Variants in OR11G2 observed in about 807,000 individuals in gnomAD.
OR11G2 encodes the protein olfactory receptor family 11 subfamily G member 2.
OR11G2 carries 2 observed loss-of-function variants against 0.9 expected under a neutral mutation model. The ratio of observed to expected loss-of-function variants is 2.35; its 90% CI spans 0.96 to 7.38. OR11G2 has a LOEUF of 7.38. OR11G2 is among the 30% of genes most tolerant of loss of function. OR11G2 has a pLI of 0.05. For synonymous variants in OR11G2, 153 were observed against 142.0 expected (o/e 1.08, Z -0.55); for missense variants, 395 against 371.3 (o/e 1.06, Z -0.52).
chr14:20,196,272 A>C (rs1451392645), intron 1 of OR11G2, among the ~76,000 whole-genome samples: 2 of 152,192 alleles, frequency 1.3e-5, no homozygotes, highest in Admixed American at 1.3e-4. Flanking sequence ...CTTCAGCTGG[A>C]AATAATCTTA....
chr14:20,192,833 T>C (rs1959340), intron 1 of OR11G2, among the ~76,000 whole-genome samples: 51 of 152,266 alleles, frequency 3.3e-4, no homozygotes, highest in Middle Eastern at 3.4e-3. Context: ...AGAGCAAAAA[T>C]CCTGAGTCCT....
At chr14:20,195,921 G>A (rs1879742310) in intron 1 of OR11G2, among the ~76,000 whole-genome samples, 1 of 152,144 alleles carries the variant, frequency 6.6e-6, no homozygotes, top group African/African-American at 2.4e-5. Context: ...GTGGTTAGAA[G>A]TTAGGCTTAC....
chr14:20,193,411 T>C (rs539194093), intron 1 of OR11G2, among the ~76,000 whole-genome samples: 1 of 152,302 alleles, frequency 6.6e-6, no homozygotes, highest in Admixed American at 6.5e-5. Flanking sequence ...TTCCTCTCTG[T>C]TTCTAACAAA....
At chr14:20,194,426 G>A (rs1449146518) in intron 1 of OR11G2, among the ~76,000 whole-genome samples, 2 of 152,144 alleles carry the variant, frequency 1.3e-5, no homozygotes, top group Non-Finnish European at 2.9e-5. Flanking sequence ...AATTATTTGT[G>A]AATGAGATGT....
rs962661304 is a variant in OR11G2 at position 20,200,885 on chromosome 14, A to G, written c.*2512A>G. The G allele has an allele frequency of 8.5e-5, 13 of 152,256 alleles. No homozygotes were observed. The highest frequency in any genetic ancestry group is 2.9e-4 in the African/African-American group (12 of 41,470). The allele number at this position is 152,256 out of a possible 1,614,324, so 9.4% of individuals were successfully genotyped here. A position where few individuals can be genotyped will look rare whatever the true frequency, so the allele number is the denominator to read the frequency against. ...AGACACACTGTTAAATGAAAAAAGC[A>G]AAGTGAATAGCAGAGTGTATTGTAG... On this transcript the variant is annotated 3_prime_UTR_variant, in exon 2 of 2. Transcript: ENST00000641879.
intron 1 of OR11G2, among the ~76,000 whole-genome samples, chr14:20,196,844 T>A: frequency 6.6e-6 from 1 of 152,232 alleles, no homozygotes; most frequent in East Asian, 1.9e-4. Flanking sequence ...CTAATTGATT[T>A]GACTGTGTTA....
In OR11G2 at chr14:20,197,585, A is replaced by G. The variant is rs1879781582; in HGVS notation, c.148A>G (p.Ile50Val). The G allele has an allele frequency of 1.9e-6, 3 of 1,613,924 alleles. No individual in the cohort carries two copies. Among genetic ancestry groups the G allele is most frequent in the African/African-American group, 1.3e-5 (1 of 74,840 alleles). The change falls in exon 2 of 2, where the codon ATC (isoleucine) becomes GTC (valine). Residue 50 changes from isoleucine to valine, a missense_variant. By Grantham distance (29) the Ile-to-Val change is conservative. Coordinates refer to ENST00000641879, the MANE Select transcript of OR11G2 (RefSeq NM_001386033.1). Reference sequence around the variant, plus strand: ...GACCCTCATGGGCAATGGTTCCATCATCTGTGCTGTGCACTGGGATCAGAG... The same window carrying G: ...GACCCTCATGGGCAATGGTTCCATCGTCTGTGCTGTGCACTGGGATCAGAG... Reference protein sequence around the residue: ...LLTLMGNGSIICAVHWDQRLH... With the variant: ...LLTLMGNGSIVCAVHWDQRLH...
At position 20,198,503 on chromosome 14, in the gene OR11G2, T is replaced by C. The variant is rs1043273701; in HGVS notation, c.*130T>C. 9 of 640,438 alleles carry C rather than the reference T, an allele frequency of 1.4e-5. No homozygotes were observed. Among genetic ancestry groups the C allele is most frequent in the Non-Finnish European group, 2.2e-5 (8 of 371,084 alleles). The allele number at this position is 640,438 out of a possible 1,614,324, so 39.7% of individuals were successfully genotyped here. On this transcript the variant is annotated 3_prime_UTR_variant, in exon 2 of 2. Transcript: ENST00000641879. ...CAGCACTTTGGGAGCCCGAGGCGGGTGGATCACGAGGTCAGGAGATCAAGA... is the reference window on the plus strand; with the variant it reads ...CAGCACTTTGGGAGCCCGAGGCGGGCGGATCACGAGGTCAGGAGATCAAGA...
In OR11G2 at chr14:20,197,984, T is replaced by C. The variant is rs553776145; in HGVS notation, c.547T>C (p.Cys183Arg). ...ATCTAGGATTATTGACCACTTCCTA[T>C]GTGACCCAGCTCCTCTTCTAACTCT... The part of the protein sequence containing the change: ...CGSRIIDHFL[C>R]DPAPLLTLTC... Residue 183 changes from cysteine (C) to arginine (R), a missense_variant, in exon 2 of 2, where the codon TGT (cysteine) becomes CGT (arginine). Cys to Arg is a radical substitution (Grantham distance 180). Coordinates refer to ENST00000641879, the MANE Select transcript of OR11G2 (RefSeq NM_001386033.1). 13 of 1,611,088 alleles carry C rather than the reference T, an allele frequency of 8.1e-6. No individual in the cohort carries two copies. Among genetic ancestry groups the C allele is most frequent in the Middle Eastern group, 1.6e-4 (1 of 6,084 alleles).
In OR11G2 at chr14:20,191,063, G is replaced by T. The variant is rs529736659; in HGVS notation, c.-608G>T. 2 of 152,324 alleles carry T rather than the reference G, an allele frequency of 1.3e-5. No homozygotes were observed. Among genetic ancestry groups the T allele is most frequent in the Non-Finnish European group, 2.9e-5 (2 of 68,046 alleles). 9.4% of individuals were successfully genotyped at this position (152,324 alleles called of 1,614,324 possible). A position where few individuals can be genotyped will look rare whatever the true frequency, so the allele number is the denominator to read the frequency against. On this transcript the variant is annotated 5_prime_UTR_variant, in exon 1 of 2. An upstream start codon of the reference 5' UTR is lost. Transcript: ENST00000641879. ...AGGTTTGTGATCCCCTTTTGTCCATGAAAGGAGATGATGCAATGGACAAAG... is the reference window on the plus strand; with the variant it reads ...AGGTTTGTGATCCCCTTTTGTCCATTAAAGGAGATGATGCAATGGACAAAG...
intron 1 of OR11G2, among the ~76,000 whole-genome samples, chr14:20,193,812 G>T (rs1046722899): frequency 6.6e-6 from 1 of 152,188 alleles, no homozygotes; most frequent in African/African-American, 2.4e-5. Context: ...AATGTTTGCT[G>T]ACCCTGGTGT....
At chr14:20,197,397 G>T in intron 1 of OR11G2, 37 bp from the exon 2 acceptor site, 1 of 1,610,002 alleles carries the variant, frequency 6.2e-7, no homozygotes, top group Non-Finnish European at 8.5e-7. Context: ...TGTTTGCACC[G>T]TCATTCAGTA....
rs199984570 is a variant in OR11G2 at position 20,197,996 on chromosome 14, C to T, written c.559C>T (p.Pro187Ser). Residue 187 changes from proline to serine, a missense_variant, in exon 2 of 2, where the codon CCT (proline) becomes TCT (serine). Physicochemically the swap from Pro to Ser is moderately conservative, Grantham distance 74. Coordinates refer to ENST00000641879, the MANE Select transcript of OR11G2 (RefSeq NM_001386033.1). ...TGACCACTTCCTATGTGACCCAGCT[C>T]CTCTTCTAACTCTCACTTGCAAAAA... The part of the protein sequence containing the change: ...IIDHFLCDPA[P>S]LLTLTCKKGP... The T allele has an allele frequency of 1.2e-5, 19 of 1,591,216 alleles. No individual in the cohort carries two copies. In the Admixed American group the frequency reaches 2.8e-4, roughly 23 times the overall value.
At position 20,197,913 on chromosome 14, in the gene OR11G2, G is replaced by C; in HGVS notation, c.476G>C (p.Trp159Ser). The C allele has an allele frequency of 6.2e-7, 1 of 1,614,036 alleles. No individual in the cohort carries two copies. The highest frequency in any genetic ancestry group is 8.5e-7 in the Non-Finnish European group (1 of 1,179,974). ...AATTGCTGGGTACTTGGTTTCATCTGGTTCTTGATTCCTATCGTCAACATC... is the reference window on the plus strand; with the variant it reads ...AATTGCTGGGTACTTGGTTTCATCTCGTTCTTGATTCCTATCGTCAACATC... ...VVNCWVLGFI[W>S]FLIPIVNISQ... The change falls in exon 2 of 2, where the codon TGG becomes TCG. Residue 159 changes from tryptophan (W) to serine (S), a missense_variant. Transcript: ENST00000641879.
chr14:20,196,006 G>A (rs116866510), intron 1 of OR11G2, among the ~76,000 whole-genome samples: 3,944 of 152,238 alleles, frequency 0.026, 70 homozygotes, highest in Middle Eastern at 0.044. Context: ...TGCATTTCTA[G>A]GGTGGGAAAC....
intron 1 of OR11G2, among the ~76,000 whole-genome samples, chr14:20,194,988 C>T (rs946740777): frequency 2.6e-5 from 4 of 152,118 alleles, no homozygotes; most frequent in Non-Finnish European, 5.9e-5. Flanking sequence ...CAGAAGTTTT[C>T]TGGGCCCCTA....
Position 20,200,050 on chromosome 14 carries a change from A to G in OR11G2, c.*1677A>G, listed in dbSNP as rs1428979185. 1 of 151,258 alleles carries G rather than the reference A, an allele frequency of 6.6e-6. No individual in the cohort carries two copies. The highest frequency in any genetic ancestry group is 1.5e-5 in the Non-Finnish European group (1 of 67,868). 9.4% of individuals were successfully genotyped at this position (151,258 alleles called of 1,614,324 possible). On this transcript the variant is annotated 3_prime_UTR_variant, in exon 2 of 2. Transcript: ENST00000641879. ...TCCCCTAGGCCTGGAGTGAAAGGTC[A>G]TGCTATGATTGAAGTGTCTTCACTA...
At position 20,197,894 on chromosome 14, in the gene OR11G2, T is replaced by G. The variant is rs1879804492; in HGVS notation, c.457T>G (p.Trp153Gly). 1 of 1,614,136 alleles carries G rather than the reference T, an allele frequency of 6.2e-7. No homozygotes were observed. Among genetic ancestry groups the G allele is most frequent in the Non-Finnish European group, 8.5e-7 (1 of 1,179,988 alleles). ...RLCTNLVVNC[W>G]VLGFIWFLIP... ...CTGTACCAATCTTGTGGTCAATTGC[T>G]GGGTACTTGGTTTCATCTGGTTCTT... is the stretch of plus-strand genomic sequence containing the variant. Residue 153 changes from tryptophan (W) to glycine (G), a missense_variant, in exon 2 of 2, where the codon TGG becomes GGG. Physicochemically the swap from Trp to Gly is radical, Grantham distance 184. Transcript: ENST00000641879.
rs772866289 is a variant in OR11G2 at position 20,197,813 on chromosome 14, C to G, written c.376C>G (p.Arg126Gly). 2 of 1,614,016 alleles carry G rather than the reference C, an allele frequency of 1.2e-6. No individual in the cohort carries two copies. The highest frequency in any genetic ancestry group is 1.7e-6 in the Non-Finnish European group (2 of 1,179,986). ...TTTCCTGGCAGTTATGGCATTTGAT[C>G]GATACCTTGCCATCTGTCGGCCTCT... ...CFFLAVMAFDRYLAICRPLRY... is the reference protein window; with the variant it reads ...CFFLAVMAFDGYLAICRPLRY... Residue 126 changes from arginine (R) to glycine (G), a missense_variant, in exon 2 of 2, where the codon CGA (arginine) becomes GGA (glycine). Physicochemically the swap from Arg to Gly is moderately radical, Grantham distance 125. Transcript: ENST00000641879.
Sources: gnomAD v4.1 joint callset for allele counts (sites outside exome capture counted in the v4.1 genomes callset) on GRCh38, gnomAD v4.1.1 for gene constraint, MANE v1.5 for transcripts, NCBI Gene and HGNC (gene_info 2026-07-23, HGNC 2026-07-21) for gene names.